Variants in PRR5L observed in about 807,000 individuals in gnomAD.
PRR5L encodes proline rich 5 like, also known as proline-rich protein 5-like.
A neutral mutation model predicts 36.4 loss-of-function variants in PRR5L; 21 were observed. The ratio of observed to expected loss-of-function variants is 0.58; its 90% CI spans 0.41 to 0.83. PRR5L has a LOEUF of 0.83. PRR5L is among the 40% of genes least tolerant of loss of function. The probability of loss-of-function intolerance (pLI) is 0.00; values close to 1 mark genes in which losing one functional copy is unlikely to be tolerated. For synonymous variants in PRR5L, 188 were observed against 197.0 expected, an observed-to-expected ratio of 0.95 and a Z score of 0.38; for missense variants, 381 against 473.3, an observed-to-expected ratio of 0.80 and a Z score of 1.81.
intron 1 of PRR5L, among the ~76,000 whole-genome samples, chr11:36,342,159 G>A (rs1029136471): frequency 3.9e-5 from 6 of 152,138 alleles, no homozygotes; most frequent in South Asian, 4.1e-4. Flanking sequence ...GTCCTACTCC[G>A]CACTCCATGA....
intron 1 of PRR5L, among the ~76,000 whole-genome samples, chr11:36,325,297 C>G (rs561118363): frequency 6.6e-6 from 1 of 152,386 alleles, no homozygotes; most frequent in South Asian, 2.1e-4. Context: ...CTCGCTGGAT[C>G]AGGAGCACAG....
chr11:36,403,517 T>A, intron 3 of PRR5L, 139 bp downstream of exon 3: 2 of 628,590 alleles, frequency 3.2e-6, no homozygotes, highest in Non-Finnish European at 5.5e-6. Flanking sequence ...TCAGCTATGC[T>A]GCTTTCATGG....
chr11:36,393,818 T>C (rs1238525652), intron 1 of PRR5L: 3 of 152,224 alleles, frequency 2.0e-5, no homozygotes, highest in Admixed American at 6.5e-5. Flanking sequence ...ACATGGAATG[T>C]CTTTCCATTT....
chr11:36,369,231 G>A (rs957612409), intron 1 of PRR5L, among the ~76,000 whole-genome samples: 2 of 152,220 alleles, frequency 1.3e-5, no homozygotes, highest in African/African-American at 4.8e-5. Context: ...CCTGATGACT[G>A]CAGTGCAGAG....
chr11:36,309,968 A>G (rs979785177), intron 1 of PRR5L, among the ~76,000 whole-genome samples: 13 of 152,272 alleles, frequency 8.5e-5, no homozygotes, highest in South Asian at 2.1e-4. Flanking sequence ...CCCCACTACC[A>G]CCACCACCAT....
At chr11:36,313,162 CT>C (rs1340550710) in intron 1 of PRR5L, among the ~76,000 whole-genome samples, 2 of 152,226 alleles carry the variant, frequency 1.3e-5, no homozygotes, top group Non-Finnish European at 2.9e-5. Context: ...TAGGAACCCC[CT>C]CACCGCCACC....
intron 1 of PRR5L, among the ~76,000 whole-genome samples, chr11:36,340,193 A>G (rs2133479689): frequency 6.6e-6 from 1 of 152,310 alleles, no homozygotes; most frequent in East Asian, 1.9e-4. Flanking sequence ...GTATTTAATA[A>G]TGTTTCTAAA....
At chr11:36,315,667 C>G (rs1162149848) in intron 1 of PRR5L, among the ~76,000 whole-genome samples, 1 of 152,176 alleles carries the variant, frequency 6.6e-6, no homozygotes, top group Non-Finnish European at 1.5e-5. Flanking sequence ...TTTGTATAAA[C>G]TGTGAGCAAT....
chr11:36,354,635 A>G (rs1857007989), intron 1 of PRR5L, among the ~76,000 whole-genome samples: 1 of 152,258 alleles, frequency 6.6e-6, no homozygotes, highest in African/African-American at 2.4e-5. Context: ...AAAGAAAGTG[A>G]GAAAACGCAG....
intron 1 of PRR5L, among the ~76,000 whole-genome samples, chr11:36,392,570 G>A (rs1418166636): frequency 3.3e-5 from 5 of 152,188 alleles, no homozygotes; most frequent in Non-Finnish European, 7.3e-5. Context: ...GATGATCAAT[G>A]ATGTATTAGT....
rs531134693 is a variant in PRR5L, at chr11:36,356,934, ATTAAGT to A, written c.-125-44059_-125-44054del. Among the ~76,000 whole-genome samples the A allele has an allele frequency of 7.2e-5, 11 of 152,324 alleles. 1 individual carries two copies. In the East Asian group the frequency reaches 1.9e-3, roughly 27 times the overall value. ...CACTTTAAGTCAAAATCTAGAAGTG[ATTAAGT>A]TTAGTGAGGAAGGCATGTTGAAAGC... On this transcript the variant is annotated intron_variant, in intron 1 of 8. Transcript: ENST00000530639.
chr11:36,350,354 G>A (rs922481618), intron 1 of PRR5L, among the ~76,000 whole-genome samples: 3 of 151,452 alleles, frequency 2.0e-5, no homozygotes, highest in African/African-American at 7.3e-5. Context: ...TGTGTGTGCC[G>A]GGGAGGAGGA....
At chr11:36,424,278 G>T (rs1360109010) in intron 4 of PRR5L, among the ~76,000 whole-genome samples, 1 of 152,196 alleles carries the variant, frequency 6.6e-6, no homozygotes, top group Non-Finnish European at 1.5e-5. Flanking sequence ...GAGCTCTGAA[G>T]ATGAGGTGTA....
chr11:36,376,827 C>A, intron 1 of PRR5L: 1 of 741,428 alleles, frequency 1.3e-6, no homozygotes, highest in Non-Finnish European at 1.6e-6. Context: ...GGGGTAGGAG[C>A]TAGGGAAAAG....
At chr11:36,348,323 G>A (rs1217310073) in intron 1 of PRR5L, among the ~76,000 whole-genome samples, 2 of 152,052 alleles carry the variant, frequency 1.3e-5, no homozygotes, top group African/African-American at 2.4e-5. Context: ...ATTTAATAAG[G>A]CAGATGAGGT....
chr11:36,355,401 ACT>A (rs1354461148), intron 1 of PRR5L, among the ~76,000 whole-genome samples: 1 of 152,068 alleles, frequency 6.6e-6, no homozygotes, highest in Non-Finnish European at 1.5e-5. Context: ...TTTCACCAAG[ACT>A]CTGTGAACTA....
At chr11:36,309,877 A>G (rs1038604468) in intron 1 of PRR5L, among the ~76,000 whole-genome samples, 16 of 125,846 alleles carry the variant, frequency 1.3e-4, no homozygotes, top group African/African-American at 4.5e-4. Flanking sequence ...TGATGTCTCA[A>G]AGTGTCTGTA....
At chr11:36,407,631 C>G (rs1857937766) in intron 3 of PRR5L, among the ~76,000 whole-genome samples, 1 of 152,198 alleles carries the variant, frequency 6.6e-6, no homozygotes, top group Admixed American at 6.5e-5. Context: ...GATGGAGTAT[C>G]CAAGTCTGGA....
chr11:36,364,429 C>T (rs987212422), intron 1 of PRR5L, among the ~76,000 whole-genome samples: 2 of 152,084 alleles, frequency 1.3e-5, no homozygotes, highest in Non-Finnish European at 2.9e-5. Flanking sequence ...GTCCTGACTC[C>T]ACCACTTAAT....
Sources: allele counts gnomAD v4.1 joint callset (sites outside exome capture counted in the v4.1 genomes callset), GRCh38; gene constraint gnomAD v4.1.1; transcripts MANE v1.5; gene names NCBI Gene and HGNC (gene_info 2026-07-23, HGNC 2026-07-21).